The following NAV2 variants were observed in gnomAD, a reference collection of about 807,000 sequenced individuals.
NAV2 encodes the protein neuron navigator 2, also known as helicase, APC down-regulated 1.
In NAV2, 54 loss-of-function variants were observed where a neutral mutation model predicts 223.2. The ratio of observed to expected loss-of-function variants is 0.24; its 90% CI spans 0.19 to 0.30. The LOEUF (loss-of-function observed/expected upper bound fraction) is 0.30. Ranked by LOEUF, NAV2 falls within the 10% of genes least tolerant of loss-of-function variation. NAV2 has a pLI of 1.00. For synonymous variants in NAV2, 1,279 were observed against 1,239.3 expected (o/e 1.03, Z -0.67); for missense variants, 2,806 against 3,147.5 (o/e 0.89, Z 2.60).
chr11:20,049,219 C>A (rs374634460), intron 15 of NAV2, 24 bp downstream of exon 15: 245 of 1,497,948 alleles, frequency 1.6e-4, no homozygotes, highest in Admixed American at 2.3e-4. Flanking sequence ...CTCTGGCTGC[C>A]TTTCTCAGAA....
intron 1 of NAV2, among the ~76,000 whole-genome samples, chr11:19,418,774 G>A (rs969513342): frequency 6.6e-6 from 1 of 152,168 alleles, no homozygotes; most frequent in Admixed American, 6.5e-5. Flanking sequence ...AAGGGCTTGT[G>A]GTGGTGGGGT....
intron 11 of NAV2, among the ~76,000 whole-genome samples, chr11:20,008,292 A>T (rs1435852566): frequency 1.3e-5 from 2 of 152,130 alleles, no homozygotes; most frequent in African/African-American, 4.8e-5. Flanking sequence ...CATGAGGCCG[A>T]GGTTGCAATG....
At chr11:19,372,631 G>A (rs971586008) in intron 1 of NAV2, among the ~76,000 whole-genome samples, 7 of 152,166 alleles carry the variant, frequency 4.6e-5, no homozygotes, top group Non-Finnish European at 7.3e-5. Flanking sequence ...TTGAAGGATA[G>A]CACCTAGAAA....
chr11:19,729,531 C>T (rs16937159), intron 1 of NAV2, among the ~76,000 whole-genome samples: 1 of 152,142 alleles, frequency 6.6e-6, no homozygotes, highest in Admixed American at 6.5e-5. Flanking sequence ...TTTAAGTTGC[C>T]TAACTGTGCC....
intron 1 of NAV2, among the ~76,000 whole-genome samples, chr11:19,749,882 C>T (rs760810241): frequency 5.3e-5 from 8 of 152,212 alleles, no homozygotes; most frequent in African/African-American, 7.2e-5. Context: ...GCCTGCCTCA[C>T]GTCTATGGCT....
chr11:19,793,230 GAAAGAAA>G (rs1565326520), intron 1 of NAV2, among the ~76,000 whole-genome samples: 1 of 83,766 alleles, frequency 1.2e-5, no homozygotes, highest in Admixed American at 1.4e-4. Context: ...AAAAAAAAAA[GAAAGAAA>G]GAAAGAAAGA....
intron 1 of NAV2, among the ~76,000 whole-genome samples, chr11:19,522,310 G>A (rs1231393185): frequency 1.3e-5 from 2 of 152,204 alleles, no homozygotes; most frequent in East Asian, 3.9e-4. Context: ...ACCACTGGAG[G>A]AGGAGCCCAC....
intron 1 of NAV2, among the ~76,000 whole-genome samples, chr11:19,470,265 G>A (rs905472908): frequency 6.6e-6 from 1 of 152,202 alleles, no homozygotes; most frequent in Non-Finnish European, 1.5e-5. Context: ...CTAGATCAGG[G>A]TTCCAGTAGG....
intron 1 of NAV2, among the ~76,000 whole-genome samples, chr11:19,543,039 G>A (rs893687873): frequency 6.6e-6 from 1 of 152,194 alleles, no homozygotes; most frequent in African/African-American, 2.4e-5. Context: ...ATTAGAGAAA[G>A]TTTATTATCT....
chr11:19,735,582 A>G (rs1172032295), intron 1 of NAV2, among the ~76,000 whole-genome samples: 1 of 152,234 alleles, frequency 6.6e-6, no homozygotes, highest in Admixed American at 6.5e-5. Flanking sequence ...TGCTTAGAGC[A>G]AGTCACTTGC....
upstream of NAV2, among the ~76,000 whole-genome samples, chr11:19,347,597 T>G (rs1853076015): frequency 2.0e-5 from 3 of 152,182 alleles, no homozygotes; most frequent in Admixed American, 1.3e-4. Context: ...AGCCAGGGCT[T>G]GCCCTCAATG....
chr11:20,103,060 C>T (rs1302585681), intron 32 of NAV2, among the ~76,000 whole-genome samples, 195 bp from the exon 33 acceptor site: 2 of 152,318 alleles, frequency 1.3e-5, no homozygotes, highest in Admixed American at 1.3e-4. Flanking sequence ...TAACTCATCC[C>T]ATGCCCACTC....
chr11:19,411,824 G>A (rs1033791295), intron 1 of NAV2, among the ~76,000 whole-genome samples: 4 of 152,220 alleles, frequency 2.6e-5, no homozygotes, highest in East Asian at 3.9e-4. Flanking sequence ...CATGACCCCT[G>A]GAAACACTGG....
chr11:19,383,020 G>T (rs191040408), intron 1 of NAV2, among the ~76,000 whole-genome samples: 19 of 152,328 alleles, frequency 1.2e-4, no homozygotes, highest in African/African-American at 4.6e-4. Flanking sequence ...TGACTCCAGG[G>T]TATCTACATT....
At chr11:20,082,739 A>T (rs1016850008) in intron 25 of NAV2, 12 of 963,104 alleles carry the variant, frequency 1.2e-5, no homozygotes, top group South Asian at 7.2e-5. Flanking sequence ...CCATCTGCTG[A>T]GCCAGACTCT....
intron 1 of NAV2, among the ~76,000 whole-genome samples, chr11:19,456,258 T>A (rs546137434): frequency 6.6e-6 from 1 of 152,296 alleles, no homozygotes; most frequent in South Asian, 2.1e-4. Flanking sequence ...CTTCATGTGA[T>A]CTTGAAGCAG....
intron 1 of NAV2, among the ~76,000 whole-genome samples, chr11:19,516,315 C>A (rs1303749107): frequency 2.6e-5 from 4 of 152,148 alleles, no homozygotes; most frequent in Admixed American, 1.3e-4. Context: ...CCCCACAATA[C>A]CGAATGAACT....
At chr11:20,052,787 C>T (rs1192979700) in intron 17 of NAV2, among the ~76,000 whole-genome samples, 1 of 152,178 alleles carries the variant, frequency 6.6e-6, no homozygotes, top group African/African-American at 2.4e-5. Flanking sequence ...CTCACCCACT[C>T]CATACACATG....
At chr11:19,891,982 A>G (rs1306888926) in intron 5 of NAV2, among the ~76,000 whole-genome samples, 1 of 152,118 alleles carries the variant, frequency 6.6e-6, no homozygotes, top group Non-Finnish European at 1.5e-5. Flanking sequence ...GTTTTGAGTC[A>G]GGGTCCCACT....
Sources: allele counts gnomAD v4.1 joint callset (sites outside exome capture counted in the v4.1 genomes callset), GRCh38; gene constraint gnomAD v4.1.1; transcripts MANE v1.5; gene names NCBI Gene and HGNC (gene_info 2026-07-23, HGNC 2026-07-21).